GLRA2: variants seen among roughly 807,000 people sequenced by gnomAD.
The protein encoded by GLRA2 is glycine receptor subunit alpha-2.
Under a neutral mutation model 31.6 loss-of-function variants are expected in GLRA2, and 11 were observed. The ratio of observed to expected loss-of-function variants is 0.35; its 90% CI spans 0.22 to 0.58. The LOEUF (loss-of-function observed/expected upper bound fraction) is 0.58, where lower values mean the gene tolerates loss of function less well. GLRA2 is among the 20% of genes least tolerant of loss of function. GLRA2 has a pLI of 0.84. For missense variants in GLRA2, 212 were observed against 351.8 expected, an observed-to-expected ratio of 0.60 and a Z score of 3.18; for synonymous variants, 132 against 134.0, an observed-to-expected ratio of 0.99 and a Z score of 0.10.
intron 7 of GLRA2, among the ~76,000 whole-genome samples, chrX:14,658,941 G>C (rs993335752): frequency 1.2e-4 from 13 of 111,426 alleles, no homozygotes; most frequent in African/African-American, 4.2e-4. Context: ...AAAGTGATAG[G>C]GTAAATGAAT....
intron 7 of GLRA2, among the ~76,000 whole-genome samples, chrX:14,619,755 G>T (rs1335956734): frequency 9.1e-6 from 1 of 110,478 alleles, no homozygotes; most frequent in Non-Finnish European, 1.9e-5. Flanking sequence ...CTCTATTATG[G>T]ATTATGTTTA....
At chrX:14,624,734 C>T (rs1042195338) in intron 7 of GLRA2, among the ~76,000 whole-genome samples, 1 of 111,447 alleles carries the variant, frequency 9.0e-6, no homozygotes, top group Non-Finnish European at 1.9e-5. Flanking sequence ...AATGATTTCT[C>T]TTCTTTTACA....
the GLRA2 span, among the ~76,000 whole-genome samples, chrX:14,496,829 T>C: frequency 8.9e-6 from 1 of 111,801 alleles, no homozygotes; most frequent in Non-Finnish European, 1.9e-5. Flanking sequence ...GCTGTTGCTG[T>C]CTTTATTAAG....
chrX:14,731,237 T>C lies in GLRA2; in HGVS notation c.*752T>C, dbSNP rs2091990657. 2 of 112,518 alleles carry C rather than the reference T, an allele frequency of 1.8e-5. No homozygotes were observed. Among genetic ancestry groups the C allele is most frequent in the Non-Finnish European group, 3.8e-5 (2 of 53,291 alleles). 9.3% of individuals were successfully genotyped at this position (112,518 alleles called of 1,213,427 possible). On this transcript the variant is annotated 3_prime_UTR_variant, in exon 9 of 9. Coordinates refer to ENST00000218075, the MANE Select transcript of GLRA2 (RefSeq NM_002063.4). ...TAATATTTTTCTTTCCAAGATAAAA[T>C]TTTGAAACTTAAATTGTGTATTGTG...
Position 14,652,790 on chromosome X carries a change from C to T in GLRA2, c.931-37920C>T, listed in dbSNP as rs193185704. Among the ~76,000 whole-genome samples the T allele has an allele frequency of 4.4e-3, 490 of 111,055 alleles. 3 individuals carry two copies. Among genetic ancestry groups the T allele is most frequent in the African/African-American group, 0.015 (469 of 30,590 alleles). ...GAGACACAGCAATATTGAAATTAGG[C>T]CAATTAATAACCCTACAATGGTCTA... On this transcript the variant is annotated intron_variant, in intron 7 of 8. Transcript: ENST00000218075.
At chrX:14,611,168 A>T (rs1460617298) in intron 7 of GLRA2, among the ~76,000 whole-genome samples, 2 of 112,768 alleles carry the variant, frequency 1.8e-5, no homozygotes, top group Non-Finnish European at 3.8e-5. Context: ...TTGGTCATAC[A>T]GTTACTTATA....
intron 4 of GLRA2, among the ~76,000 whole-genome samples, chrX:14,591,788 C>A (rs1256946113): frequency 1.8e-5 from 2 of 112,110 alleles, no homozygotes; most frequent in Non-Finnish European, 1.9e-5. Flanking sequence ...TACATGGCAG[C>A]TAGCATGACC....
At chrX:14,478,871 T>A in the GLRA2 span, among the ~76,000 whole-genome samples, 1 of 112,327 alleles carries the variant, frequency 8.9e-6, no homozygotes, top group Non-Finnish European at 1.9e-5. Flanking sequence ...GGCCCCAATA[T>A]TTTGTGAGAA....
intron 8 of GLRA2, among the ~76,000 whole-genome samples, chrX:14,699,672 CCTAT>C (rs2091510971): frequency 8.9e-6 from 1 of 111,732 alleles, no homozygotes; most frequent in African/African-American, 3.3e-5. Flanking sequence ...ACTTATTCCT[CCTAT>C]CTAACTGTAA....
At chrX:14,729,700 C>T (rs761505713) in intron 8 of GLRA2, among the ~76,000 whole-genome samples, 4 of 111,268 alleles carry the variant, frequency 3.6e-5, no homozygotes, top group South Asian at 3.8e-4. Flanking sequence ...TTAGATGTAA[C>T]ATCAACATTA....
At chrX:14,688,850 AC>A (rs1192936391) in intron 7 of GLRA2, among the ~76,000 whole-genome samples, 25 of 111,060 alleles carry the variant, frequency 2.3e-4, no homozygotes, top group African/African-American at 7.5e-4. Context: ...TGAACGTGGT[AC>A]CTCAGTTGGA....
chrX:14,472,934 CTGAAG>C, the GLRA2 span, among the ~76,000 whole-genome samples: 4 of 111,255 alleles, frequency 3.6e-5, no homozygotes, highest in Non-Finnish European at 7.5e-5. Flanking sequence ...GTTCTGGCAG[CTGAAG>C]TGAAGTGAAC....
At chrX:14,512,371 T>C in the GLRA2 span, among the ~76,000 whole-genome samples, 7 of 111,467 alleles carry the variant, frequency 6.3e-5, no homozygotes, top group Admixed American at 6.7e-4. Context: ...AAGACAAAGA[T>C]GCCCACTTTC....
At chrX:14,557,989 C>T (rs1035446909) in intron 2 of GLRA2, among the ~76,000 whole-genome samples, 1 of 111,641 alleles carries the variant, frequency 9.0e-6, no homozygotes, top group African/African-American at 3.3e-5. Flanking sequence ...TGGTTGGGTC[C>T]TGCCAAGAAG....
chrX:14,600,449 G>A (rs2090256280), intron 4 of GLRA2, among the ~76,000 whole-genome samples: 1 of 110,705 alleles, frequency 9.0e-6, no homozygotes, highest in South Asian at 3.8e-4. Context: ...GAAATTTCCA[G>A]ATTTTTTGGT....
chrX:14,680,268 TTC>T (rs1190249333), intron 7 of GLRA2, among the ~76,000 whole-genome samples: 1 of 112,004 alleles, frequency 8.9e-6, no homozygotes, highest in Non-Finnish European at 1.9e-5. Context: ...ATTAATATAC[TTC>T]TTAGTCATCT....
intron 2 of GLRA2, among the ~76,000 whole-genome samples, chrX:14,540,410 C>G (rs1299094887): frequency 9.0e-6 from 1 of 111,174 alleles, no homozygotes; most frequent in Non-Finnish European, 1.9e-5. Context: ...AATAAATATC[C>G]AGACCTTGCC....
chrX:14,593,207 GA>G (rs908294489), intron 4 of GLRA2, among the ~76,000 whole-genome samples: 3 of 109,894 alleles, frequency 2.7e-5, no homozygotes, highest in South Asian at 3.8e-4. Context: ...TTTTAAAATG[GA>G]AAAAAAAATG....
intron 2 of GLRA2, among the ~76,000 whole-genome samples, chrX:14,557,774 C>T (rs1055410433): frequency 5.4e-5 from 6 of 110,913 alleles, no homozygotes; most frequent in African/African-American, 1.6e-4. Flanking sequence ...GAGGGGGATG[C>T]TGCTACACAC....
Sources: allele counts gnomAD v4.1 joint callset (sites outside exome capture counted in the v4.1 genomes callset), GRCh38; gene constraint gnomAD v4.1.1; transcripts MANE v1.5; gene names NCBI Gene and HGNC (gene_info 2026-07-23, HGNC 2026-07-21).